The following GRIK1 variants were observed in gnomAD, a reference collection of about 807,000 sequenced individuals.
GRIK1 encodes glutamate receptor ionotropic, kainate 1.
In GRIK1, 69 loss-of-function variants were observed where a neutral mutation model predicts 105.7. The ratio of observed to expected loss-of-function variants is 0.65; its 90% CI spans 0.54 to 0.80. The LOEUF (loss-of-function observed/expected upper bound fraction) is 0.80, where lower values mean the gene tolerates loss of function less well. GRIK1 is among the 30% of genes least tolerant of loss of function. The probability of loss-of-function intolerance (pLI) is 0.00; values close to 1 mark genes in which losing one functional copy is unlikely to be tolerated. For missense variants in GRIK1, 1,109 were observed against 1,167.3 expected (o/e 0.95, Z 0.73); for synonymous variants, 438 against 431.3 (o/e 1.02, Z -0.19).
At chr21:29,878,676 G>C (rs901431245) in intron 1 of GRIK1, among the ~76,000 whole-genome samples, 1 of 152,048 alleles carries the variant, frequency 6.6e-6, no homozygotes, top group African/African-American at 2.4e-5. Flanking sequence ...AATAAGATTA[G>C]TGTCTTTGTA....
At chr21:29,712,123 C>CACAT (rs1491324595) in intron 1 of GRIK1, among the ~76,000 whole-genome samples, 1 of 147,130 alleles carries the variant, frequency 6.8e-6, no homozygotes, top group Non-Finnish European at 1.5e-5. Flanking sequence ...CACACACACA[C>CACAT]ATATATATAG....
At position 29,566,222 on chromosome 21, in the gene GRIK1, C is replaced by A. The variant is rs565047065; in HGVS notation, c.2131-4373G>T. Among the ~76,000 whole-genome samples the A allele has an allele frequency of 2.2e-4, 34 of 152,286 alleles. 1 individual carries two copies. The South Asian group carries it at 6.6e-3, about 30-fold the overall frequency. On this transcript the variant is annotated intron_variant, in intron 14 of 17. Coordinates refer to ENST00000327783, the MANE Select transcript of GRIK1 (RefSeq NM_001330994.2). ...TATAATGTCAACCAGTCTCCTAAATCACTCTAAATAATATATGTTCCAAAA... is the reference window on the plus strand; with the variant it reads ...TATAATGTCAACCAGTCTCCTAAATAACTCTAAATAATATATGTTCCAAAA...
rs183813639 is a variant in GRIK1 at position 29,831,099 on chromosome 21, G to T, written c.118+108284C>A. Among the ~76,000 whole-genome samples, 370 of 152,234 alleles carry T rather than the reference G, an allele frequency of 2.4e-3. 2 individuals are homozygous for T. Among genetic ancestry groups the T allele is most frequent in the Non-Finnish European group, 3.8e-3 (258 of 68,002 alleles). On this transcript the variant is annotated intron_variant, in intron 1 of 17. Coordinates refer to ENST00000327783, the MANE Select transcript of GRIK1 (RefSeq NM_001330994.2). ...TCTATTACTACCATTTATTACAAAA[G>T]ATAAAAATATTGGATACTGAAGCAG...
intron 7 of GRIK1, among the ~76,000 whole-genome samples, chr21:29,623,959 A>G (rs922037224): frequency 2.0e-5 from 3 of 152,220 alleles, no homozygotes; most frequent in African/African-American, 4.8e-5. Context: ...GATAATTGCC[A>G]TCTTTGGCTG....
At chr21:29,832,328 C>T (rs2067665737) in intron 1 of GRIK1, among the ~76,000 whole-genome samples, 1 of 152,202 alleles carries the variant, frequency 6.6e-6, no homozygotes, top group Non-Finnish European at 1.5e-5. Flanking sequence ...CTTCTCATAG[C>T]TCCACTAGGT....
intron 4 of GRIK1, among the ~76,000 whole-genome samples, chr21:29,666,045 C>T (rs2063052720): frequency 6.6e-6 from 1 of 152,198 alleles, no homozygotes; most frequent in African/African-American, 2.4e-5. Context: ...CAGTCCCTCA[C>T]TGGCAGGAAC....
At chr21:29,634,517 T>G (rs1011173284) in intron 7 of GRIK1, among the ~76,000 whole-genome samples, 7 of 152,230 alleles carry the variant, frequency 4.6e-5, no homozygotes, top group Non-Finnish European at 8.8e-5. Context: ...TTTAACTTTC[T>G]GGCTTCAGTT....
chr21:29,561,480 C>A (rs2090478182), intron 15 of GRIK1, 144 bp downstream of exon 15: 11 of 605,782 alleles, frequency 1.8e-5, no homozygotes, highest in Non-Finnish European at 3.3e-5. Context: ...TGTCTCTGAT[C>A]TATATGGATG....
intron 7 of GRIK1, among the ~76,000 whole-genome samples, chr21:29,631,578 C>T (rs531112505): frequency 6.6e-6 from 1 of 152,212 alleles, no homozygotes; most frequent in African/African-American, 2.4e-5. Flanking sequence ...GCAGCCCAAG[C>T]TAAGACAGCT....
chr21:29,554,408 T>C (rs1442067553), intron 16 of GRIK1, among the ~76,000 whole-genome samples: 3 of 152,142 alleles, frequency 2.0e-5, no homozygotes, highest in African/African-American at 7.2e-5. Context: ...GTGATTTCCT[T>C]CAGAAATAAA....
chr21:29,809,732 G>C (rs1268622032), intron 1 of GRIK1, among the ~76,000 whole-genome samples: 1 of 152,184 alleles, frequency 6.6e-6, no homozygotes, highest in Non-Finnish European at 1.5e-5. Flanking sequence ...CTTTTGCCAT[G>C]TCTTCCTCAC....
At chr21:29,706,817 A>C (rs2063917354) in intron 1 of GRIK1, among the ~76,000 whole-genome samples, 1 of 152,168 alleles carries the variant, frequency 6.6e-6, no homozygotes, top group Admixed American at 6.5e-5. Context: ...TGCTCAATGC[A>C]CGTATTTTTA....
chr21:29,867,276 G>A (rs2068832871), intron 1 of GRIK1, among the ~76,000 whole-genome samples: 1 of 151,872 alleles, frequency 6.6e-6, no homozygotes, highest in African/African-American at 2.4e-5. Context: ...CACAATGAAA[G>A]CAAAAGAAGC....
chr21:29,588,523 T>A (rs1423083102), intron 11 of GRIK1, among the ~76,000 whole-genome samples: 1 of 152,198 alleles, frequency 6.6e-6, no homozygotes, highest in Admixed American at 6.5e-5. Flanking sequence ...TCTTCTGCCA[T>A]GATTGTAAGT....
At chr21:29,912,465 G>A (rs2070851924) in intron 1 of GRIK1, among the ~76,000 whole-genome samples, 1 of 152,020 alleles carries the variant, frequency 6.6e-6, no homozygotes, top group Non-Finnish European at 1.5e-5. Context: ...GGAAGAAAGA[G>A]CACTCCTAAC....
chr21:29,573,785 G>T (rs1021109720), intron 14 of GRIK1, among the ~76,000 whole-genome samples: 9 of 151,172 alleles, frequency 6.0e-5, no homozygotes, highest in Admixed American at 2.0e-4. Flanking sequence ...GGAGGAGGAG[G>T]TTGCAGTGAG....
At chr21:29,573,879 C>T (rs1267745973) in intron 14 of GRIK1, among the ~76,000 whole-genome samples, 1 of 149,350 alleles carries the variant, frequency 6.7e-6, no homozygotes, top group Non-Finnish European at 1.5e-5. Context: ...AAAAGTGACA[C>T]TTTGTCATTT....
At chr21:29,571,450 A>T (rs563403070) in intron 14 of GRIK1, among the ~76,000 whole-genome samples, 10 of 152,260 alleles carry the variant, frequency 6.6e-5, no homozygotes, top group African/African-American at 2.4e-4. Flanking sequence ...ATTTTAAAAA[A>T]CTAAATTTTG....
intron 6 of GRIK1, 71 bp from the exon 7 acceptor site, chr21:29,643,040 C>G (rs1280049966): frequency 1.4e-6 from 2 of 1,430,926 alleles, no homozygotes; most frequent in Non-Finnish European, 1.9e-6. Context: ...CATAATCACT[C>G]TCCCTGCTTC....
Sources: gnomAD v4.1 joint callset for allele counts (sites outside exome capture counted in the v4.1 genomes callset) on GRCh38, gnomAD v4.1.1 for gene constraint, MANE v1.5 for transcripts, NCBI Gene and HGNC (gene_info 2026-07-23, HGNC 2026-07-21) for gene names.